SLC39A11: variants seen among roughly 807,000 people sequenced by gnomAD.
SLC39A11 encodes the protein solute carrier family 39 member 11.
Under a neutral mutation model 36.1 loss-of-function variants are expected in SLC39A11, and 33 were observed. The observed-to-expected ratio is 0.91, with a 90% CI of 0.69 to 1.22. The LOEUF (loss-of-function observed/expected upper bound fraction) is 1.22, where lower values mean the gene tolerates loss of function less well. SLC39A11 is among the 50% of genes most tolerant of loss of function. The pLI, the probability that SLC39A11 is intolerant of heterozygous loss-of-function variation, is 0.00. For missense variants in SLC39A11, 432 were observed against 430.3 expected (o/e 1.00, Z -0.03); for synonymous variants, 166 against 170.3 (o/e 0.97, Z 0.20).
In SLC39A11 at chr17:72,952,259, C is replaced by T. The variant is rs541272715; in HGVS notation, c.307-4384G>A. ...CTGGCCTCCCAGGGCTCTTTTTAGA[C>T]ACCTTTCCAGGATTCTCAACATTCC... On this transcript the variant is annotated intron_variant, in intron 4 of 9. Coordinates refer to ENST00000255559, the MANE Select transcript of SLC39A11 (RefSeq NM_139177.4). Among the ~76,000 whole-genome samples, 9 of 152,320 alleles carry T rather than the reference C, an allele frequency of 5.9e-5. No individual in the cohort carries two copies. The South Asian group carries it at 1.9e-3, about 32-fold the overall frequency.
chr17:72,723,035 G>C (rs1177575585), intron 7 of SLC39A11, among the ~76,000 whole-genome samples: 1 of 152,140 alleles, frequency 6.6e-6, no homozygotes, highest in Non-Finnish European at 1.5e-5. Context: ...AAAATATAAA[G>C]GGTGGCCGTC....
At chr17:72,925,751 C>T (rs143368760) in intron 5 of SLC39A11, among the ~76,000 whole-genome samples, 83 of 152,316 alleles carry the variant, frequency 5.4e-4, no homozygotes, top group Middle Eastern at 3.4e-3. Context: ...TCTTCAAGGA[C>T]GTCATGAGTT....
chr17:72,689,647 G>A (rs546027354), intron 7 of SLC39A11, among the ~76,000 whole-genome samples: 1 of 152,332 alleles, frequency 6.6e-6, no homozygotes, highest in East Asian at 1.9e-4. Flanking sequence ...CCACAATGCA[G>A]ATGAACCTCA....
chr17:72,668,894 G>T lies in SLC39A11; in HGVS notation c.672-19626C>A, dbSNP rs192104064. Among the ~76,000 whole-genome samples, 281 of 152,362 alleles carry T rather than the reference G, an allele frequency of 1.8e-3. 1 individual carries two copies. Among genetic ancestry groups the T allele is most frequent in the Admixed American group, 4.1e-3 (62 of 15,304 alleles). ...GGCCCTTCAAAAATGTCAGTGTCATGTGAGACAGAAAAGGCAGGGTACCTG... is the reference window on the plus strand; with the variant it reads ...GGCCCTTCAAAAATGTCAGTGTCATTTGAGACAGAAAAGGCAGGGTACCTG... On this transcript the variant is annotated intron_variant, in intron 7 of 9. Transcript: ENST00000255559.
At chr17:73,071,672 T>C (rs532641513) in intron 3 of SLC39A11, among the ~76,000 whole-genome samples, 26 of 152,372 alleles carry the variant, frequency 1.7e-4, no homozygotes, top group African/African-American at 6.0e-4. Flanking sequence ...CAGGGCCAGA[T>C]AGTAAATATT....
chr17:72,979,631 C>T (rs1022100086), intron 4 of SLC39A11, among the ~76,000 whole-genome samples: 18 of 152,108 alleles, frequency 1.2e-4, no homozygotes, highest in African/African-American at 2.4e-4. Context: ...CACAGAAAAT[C>T]GAGCCAGTTC....
chr17:73,091,143 C>T (rs1240612987), intron 1 of SLC39A11, among the ~76,000 whole-genome samples: 3 of 152,156 alleles, frequency 2.0e-5, no homozygotes, highest in Non-Finnish European at 4.4e-5. Flanking sequence ...ACTGGTAAAA[C>T]TTGGCCAGGC....
At chr17:72,707,799 C>A (rs1223839513) in intron 7 of SLC39A11, among the ~76,000 whole-genome samples, 2 of 152,218 alleles carry the variant, frequency 1.3e-5, no homozygotes, top group African/African-American at 4.8e-5. Context: ...AATTGCCAAG[C>A]AAAAGCCAAA....
At chr17:72,927,823 TACACACACACACTAC>T (rs1249265332) in intron 5 of SLC39A11, among the ~76,000 whole-genome samples, 13 of 150,588 alleles carry the variant, frequency 8.6e-5, no homozygotes, top group South Asian at 2.1e-4. Flanking sequence ...CACACACACA[TACACACACACACTAC>T]ACACACACAC....
chr17:72,646,694 G>A lies in SLC39A11; in HGVS notation c.*890C>T, dbSNP rs965784179. The A allele has an allele frequency of 1.3e-5, 2 of 152,590 alleles. No homozygotes were observed. Among genetic ancestry groups the A allele is most frequent in the African/African-American group, 4.8e-5 (2 of 41,438 alleles). 9.5% of individuals were successfully genotyped at this position (152,590 alleles called of 1,614,324 possible). On this transcript the variant is annotated 3_prime_UTR_variant, in exon 10 of 10. Coordinates refer to ENST00000255559, the MANE Select transcript of SLC39A11 (RefSeq NM_139177.4). ...TTAACTGAAATGGCTCCTTCTTTGA[G>A]TAATTGAAGAGTTTGAGTTCTAGCA...
intron 5 of SLC39A11, among the ~76,000 whole-genome samples, chr17:72,884,044 A>T (rs553517961): frequency 2.0e-5 from 3 of 152,268 alleles, no homozygotes; most frequent in African/African-American, 7.2e-5. Flanking sequence ...GGTCCCAGCT[A>T]CTTGGGAGGC....
chr17:72,760,659 G>T (rs1364838526), intron 6 of SLC39A11, among the ~76,000 whole-genome samples: 1 of 152,216 alleles, frequency 6.6e-6, no homozygotes, highest in Non-Finnish European at 1.5e-5. Context: ...TATCAACGGG[G>T]TTGACATGGT....
At chr17:72,804,797 G>A (rs186608939) in intron 6 of SLC39A11, among the ~76,000 whole-genome samples, 68 of 152,222 alleles carry the variant, frequency 4.5e-4, no homozygotes, top group South Asian at 1.7e-3. Flanking sequence ...CCGAGGCAGC[G>A]GATCACGAGG....
rs1374024147 is a variant in SLC39A11, at chr17:72,947,955, G to A, written c.307-80C>T. The A allele has an allele frequency of 2.6e-6, 4 of 1,567,976 alleles. No homozygotes were observed. In the Admixed American group the frequency reaches 5.1e-5, roughly 20 times the overall value. ...GATGCTTCTGGCTCACGGGCGCCAAGGCAACTTGCCAGTCTCTACCAAGAC... is the reference window on the plus strand; with the variant it reads ...GATGCTTCTGGCTCACGGGCGCCAAAGCAACTTGCCAGTCTCTACCAAGAC... On this transcript the variant is annotated intron_variant, in intron 4 of 9. Transcript: ENST00000255559.
chr17:72,648,957 C>A lies in SLC39A11; in HGVS notation c.775G>T (p.Gly259Trp). 6.2e-7 allele frequency: 1 copy of A among 1,611,618 alleles called. No homozygotes were observed. The highest frequency in any genetic ancestry group is 8.5e-7 in the Non-Finnish European group (1 of 1,178,824). Residue 259 changes from glycine to tryptophan, a missense_variant, in exon 9 of 10, where the codon GGG (glycine) becomes TGG (tryptophan). By Grantham distance (184) the Gly-to-Trp change is radical. Coordinates refer to ENST00000255559, the MANE Select transcript of SLC39A11 (RefSeq NM_139177.4). ...GGCTCCACCATGCCGCTCAGCTGCC[C>A]ATACCTAAGGAGAGAACAGAGACAT... ...GFSTWRAFWY[G>W]QLSGMVEPLA... is the part of the protein sequence containing the mutation.
intron 4 of SLC39A11, among the ~76,000 whole-genome samples, chr17:73,009,523 G>A (rs1352543073): frequency 2.6e-5 from 4 of 152,076 alleles, no homozygotes; most frequent in South Asian, 2.1e-4. Flanking sequence ...AAAACAAAGT[G>A]GATTAGTGTT....
intron 5 of SLC39A11, among the ~76,000 whole-genome samples, chr17:72,887,568 C>G (rs180831828): frequency 6.6e-6 from 1 of 152,210 alleles, no homozygotes. Context: ...TCCGTCATAA[C>G]GAGAACAGTC....
chr17:72,803,255 G>A (rs563056323), intron 6 of SLC39A11, among the ~76,000 whole-genome samples: 24 of 152,366 alleles, frequency 1.6e-4, no homozygotes, highest in Admixed American at 4.6e-4. Flanking sequence ...CTTACTGACT[G>A]CTGGGCCCGT....
At chr17:73,002,550 A>G (rs2089881657) in intron 4 of SLC39A11, among the ~76,000 whole-genome samples, 1 of 152,226 alleles carries the variant, frequency 6.6e-6, no homozygotes, top group African/African-American at 2.4e-5. Flanking sequence ...ACAGGGTCAG[A>G]GAAAGGGCTC....
Sources: gnomAD v4.1 joint callset for allele counts (sites outside exome capture counted in the v4.1 genomes callset) on GRCh38, gnomAD v4.1.1 for gene constraint, MANE v1.5 for transcripts, NCBI Gene and HGNC (gene_info 2026-07-23, HGNC 2026-07-21) for gene names.